CDC42SE2: variants seen among roughly 807,000 people sequenced by gnomAD.
CDC42SE2 encodes CDC42 small effector 2.
A neutral mutation model predicts 11.5 loss-of-function variants in CDC42SE2; 3 were observed. The observed-to-expected ratio is 0.26, with a 90% CI of 0.12 to 0.67. The LOEUF is 0.67. Ranked by LOEUF, CDC42SE2 falls within the 30% of genes least tolerant of loss-of-function variation. The pLI, the probability that CDC42SE2 is intolerant of heterozygous loss-of-function variation, is 0.80. For synonymous variants in CDC42SE2, 33 were observed against 34.8 expected, an observed-to-expected ratio of 0.95 and a Z score of 0.18; for missense variants, 82 against 106.8, an observed-to-expected ratio of 0.77 and a Z score of 1.02.
intron 2 of CDC42SE2, among the ~76,000 whole-genome samples, chr5:131,347,267 A>T (rs1758870656): frequency 6.6e-6 from 1 of 152,220 alleles, no homozygotes; most frequent in South Asian, 2.1e-4. Flanking sequence ...CTAATAAAGA[A>T]GAAAAGAGAG....
intron 3 of CDC42SE2, among the ~76,000 whole-genome samples, chr5:131,380,020 A>C (rs951980675): frequency 1.3e-5 from 2 of 148,326 alleles, no homozygotes; most frequent in African/African-American, 2.5e-5. Context: ...CCCCCACCCC[A>C]GGTTCAAGTG....
intron 2 of CDC42SE2, among the ~76,000 whole-genome samples, chr5:131,321,859 T>C (rs1758197826): frequency 6.6e-6 from 1 of 152,134 alleles, no homozygotes; most frequent in African/African-American, 2.4e-5. Flanking sequence ...TTTGTTTTGT[T>C]TTTTGTTTTG....
chr5:131,298,846 C>G (rs1448583882), intron 1 of CDC42SE2, among the ~76,000 whole-genome samples: 1 of 152,104 alleles, frequency 6.6e-6, no homozygotes, highest in Non-Finnish European at 1.5e-5. Flanking sequence ...AATTCTGGGA[C>G]TAAGTTTCTC....
At chr5:131,335,007 A>G (rs1227930083) in intron 2 of CDC42SE2, among the ~76,000 whole-genome samples, 3 of 152,020 alleles carry the variant, frequency 2.0e-5, no homozygotes, top group African/African-American at 7.3e-5. Context: ...GCCTTCTTCT[A>G]GCTTTTGAAT....
chr5:131,263,893 T>A (rs1022334668), upstream of CDC42SE2: 10 of 151,380 alleles, frequency 6.6e-5, no homozygotes, highest in East Asian at 5.8e-4. Context: ...GATTCGCCCA[T>A]GCCGGAGGTA....
intron 4 of CDC42SE2, among the ~76,000 whole-genome samples, chr5:131,388,029 G>A (rs1187057551): frequency 6.6e-6 from 1 of 151,980 alleles, no homozygotes; most frequent in East Asian, 1.9e-4. Flanking sequence ...ACAGAGTCTC[G>A]CTCTGTCACC....
intron 1 of CDC42SE2, among the ~76,000 whole-genome samples, chr5:131,306,509 T>C (rs1757781255): frequency 6.6e-6 from 1 of 152,168 alleles, no homozygotes; most frequent in South Asian, 2.1e-4. Flanking sequence ...TTGTAGTAGA[T>C]TTTGAAGCTA....
At chr5:131,371,889 T>G (rs1580784362) in intron 3 of CDC42SE2, among the ~76,000 whole-genome samples, 2 of 152,370 alleles carry the variant, frequency 1.3e-5, no homozygotes, top group Non-Finnish European at 2.9e-5. Context: ...CTACCAAGTG[T>G]TAATTATTAT....
At chr5:131,327,244 A>G (rs1437698866) in intron 2 of CDC42SE2, among the ~76,000 whole-genome samples, 1 of 152,040 alleles carries the variant, frequency 6.6e-6, no homozygotes, top group Non-Finnish European at 1.5e-5. Flanking sequence ...TACTTTTAAA[A>G]TGGCTTTTTC....
chr5:131,234,437 A>G, the CDC42SE2 span, among the ~76,000 whole-genome samples: 1 of 152,134 alleles, frequency 6.6e-6, no homozygotes. Flanking sequence ...GGAGTTCAAG[A>G]TCAGCCTGGC....
rs1750668997 is a variant in CDC42SE2, at chr5:131,391,950, A to G, written c.*859A>G. On this transcript the variant is annotated 3_prime_UTR_variant, in exon 5 of 5. Transcript: ENST00000505065. ...ATGGCACCTTGTCCACCCTGTCGTGATTATTCCAGTGAGATGTTACTGTTC... is the reference window on the plus strand; with the variant it reads ...ATGGCACCTTGTCCACCCTGTCGTGGTTATTCCAGTGAGATGTTACTGTTC... 6.6e-6 allele frequency: 1 copy of G among 152,130 alleles called. No individual in the cohort carries two copies. The highest frequency in any genetic ancestry group is 2.4e-5 in the African/African-American group (1 of 41,380). 9.4% of individuals were successfully genotyped at this position (152,130 alleles called of 1,614,324 possible). A position where few individuals can be genotyped will look rare whatever the true frequency, so the allele number is the denominator to read the frequency against.
At chr5:131,341,645 G>A (rs1758714343) in intron 2 of CDC42SE2, among the ~76,000 whole-genome samples, 1 of 152,104 alleles carries the variant, frequency 6.6e-6, no homozygotes, top group Admixed American at 6.6e-5. Flanking sequence ...AAGAATATTT[G>A]AATCAGTACA....
the CDC42SE2 span, among the ~76,000 whole-genome samples, chr5:131,217,771 G>GAAAATGAA: frequency 6.6e-6 from 1 of 152,142 alleles, no homozygotes; most frequent in Non-Finnish European, 1.5e-5. Flanking sequence ...ACACCAATAA[G>GAAAATGAA]AAAATGAATA....
chr5:131,378,739 TACA>T (rs1325981341), intron 3 of CDC42SE2, among the ~76,000 whole-genome samples: 1 of 152,258 alleles, frequency 6.6e-6, no homozygotes, highest in Admixed American at 6.5e-5. Context: ...GTTGGGATTA[TACA>T]ACTTCTCAAA....
intron 4 of CDC42SE2, among the ~76,000 whole-genome samples, chr5:131,386,359 GT>G (rs1750486393): frequency 6.6e-6 from 1 of 152,224 alleles, no homozygotes; most frequent in Non-Finnish European, 1.5e-5. Flanking sequence ...GCCACTTCTG[GT>G]TTTGGGACCC....
chr5:131,221,650 C>G, the CDC42SE2 span, among the ~76,000 whole-genome samples: 26 of 149,370 alleles, frequency 1.7e-4, no homozygotes, highest in Non-Finnish European at 2.5e-4. Context: ...TCTTTTTTTT[C>G]CAAAAAGTTA....
chr5:131,338,147 A>C (rs1014346261), intron 2 of CDC42SE2, among the ~76,000 whole-genome samples: 2 of 152,372 alleles, frequency 1.3e-5, no homozygotes, highest in South Asian at 4.1e-4. Flanking sequence ...TAACTGTGTT[A>C]TATATGAACA....
At chr5:131,300,739 C>T (rs1356685423) in intron 1 of CDC42SE2, among the ~76,000 whole-genome samples, 10 of 150,206 alleles carry the variant, frequency 6.7e-5, no homozygotes, top group Non-Finnish European at 1.5e-4. Context: ...GCCGAGATCG[C>T]GCCACTGCAC....
intron 1 of CDC42SE2, among the ~76,000 whole-genome samples, chr5:131,279,919 A>T (rs1757203877): frequency 6.6e-6 from 1 of 152,082 alleles, no homozygotes; most frequent in South Asian, 2.1e-4. Flanking sequence ...TAAAAAATAC[A>T]AAAATTAGCT....
Sources: allele counts gnomAD v4.1 joint callset (sites outside exome capture counted in the v4.1 genomes callset), GRCh38; gene constraint gnomAD v4.1.1; transcripts MANE v1.5; gene names NCBI Gene and HGNC (gene_info 2026-07-23, HGNC 2026-07-21).